Variants in CD226 observed in about 807,000 individuals in gnomAD.
CD226 encodes the protein CD226 antigen.
Under a neutral mutation model 34.9 loss-of-function variants are expected in CD226, and 24 were observed. The observed-to-expected ratio is 0.69, with a 90% CI of 0.50 to 0.97. The LOEUF (loss-of-function observed/expected upper bound fraction) is 0.97. CD226 is among the 50% of genes least tolerant of loss of function. CD226 has a pLI of 0.00. For synonymous variants in CD226, 148 were observed against 147.4 expected (o/e 1.00, Z -0.03); for missense variants, 397 against 412.7 (o/e 0.96, Z 0.33).
rs1443358017 is a variant in CD226 at position 69,856,485 on chromosome 18, C to T, written c.*7829G>A. 2 of 152,128 alleles carry T rather than the reference C, an allele frequency of 1.3e-5. No homozygotes were observed. The highest frequency in any genetic ancestry group is 6.5e-5 in the Admixed American group (1 of 15,268). 9.4% of individuals were successfully genotyped at this position (152,128 alleles called of 1,614,324 possible). ...TCTAATGGACATTTGTAGAATATTA[C>T]ACTCAACAGCAGAATGAACATTCTT... On this transcript the variant is annotated 3_prime_UTR_variant, in exon 6 of 6. Coordinates refer to ENST00000582621, the MANE Select transcript of CD226 (RefSeq NM_001303618.2).
intron 3 of CD226, among the ~76,000 whole-genome samples, chr18:69,880,345 AAAGAAAGAAAGAAAGG>A (rs1257884545): frequency 2.9e-4 from 20 of 68,920 alleles, no homozygotes; most frequent in East Asian, 1.8e-3. Flanking sequence ...AGAAAGAAAG[AAAGAAAGAAAGAAAGG>A]AAGGAAGGAA....
At chr18:69,957,953 C>T (rs1042729976), upstream of CD226, among the ~76,000 whole-genome samples, 4 of 152,230 alleles carry the variant, frequency 2.6e-5, no homozygotes, top group African/African-American at 9.6e-5. Context: ...CTGCTCACTC[C>T]TAGCCTTTAT....
chr18:69,928,539 G>A (rs1471222461), intron 2 of CD226, among the ~76,000 whole-genome samples: 2 of 152,130 alleles, frequency 1.3e-5, no homozygotes, highest in African/African-American at 2.4e-5. Context: ...TTTAGGGGTG[G>A]GACAATGTTT....
At chr18:69,951,445 T>C (rs1451711768), upstream of CD226, among the ~76,000 whole-genome samples, 3 of 152,134 alleles carry the variant, frequency 2.0e-5, no homozygotes, top group Admixed American at 1.3e-4. Context: ...TCATTATGCA[T>C]GAACAAGAAT....
chr18:69,865,394 T>C (rs1243802503), intron 5 of CD226, among the ~76,000 whole-genome samples: 1 of 151,462 alleles, frequency 6.6e-6, no homozygotes. Flanking sequence ...CTAATGTCTT[T>C]TTTTGACAGT....
At chr18:69,946,460 G>C (rs1000048186) in intron 2 of CD226, among the ~76,000 whole-genome samples, 1 of 151,968 alleles carries the variant, frequency 6.6e-6, no homozygotes, top group Admixed American at 6.6e-5. Context: ...TCAAGGCTCA[G>C]GTTATCATTA....
upstream of CD226, among the ~76,000 whole-genome samples, chr18:69,958,823 ACACACATC>A (rs1236758559): frequency 1.4e-4 from 21 of 146,454 alleles, no homozygotes; most frequent in Non-Finnish European, 1.5e-5. Flanking sequence ...ACACACACAC[ACACACATC>A]CTTCTCCTTA....
chr18:69,907,455 A>G (rs10439010), intron 2 of CD226, among the ~76,000 whole-genome samples: 138,976 of 152,184 alleles, frequency 0.91, 64,517 homozygotes, highest in East Asian at 1. Flanking sequence ...TTACAGGCAC[A>G]CACCACCATG....
intron 3 of CD226, among the ~76,000 whole-genome samples, chr18:69,873,779 G>A (rs1034102124): frequency 2.6e-5 from 4 of 152,154 alleles, no homozygotes; most frequent in East Asian, 1.9e-4. Flanking sequence ...GCTGAGGCAC[G>A]AGACTCATTT....
rs149754078 is a variant in CD226, at chr18:69,898,866, C to T, written c.383-2821G>A. Among the ~76,000 whole-genome samples the T allele has an allele frequency of 1.6e-4, 24 of 152,202 alleles. No individual in the cohort carries two copies. The East Asian group carries it at 4.3e-3, about 27-fold the overall frequency. ...AAAGAGCCCACACAAACAAGAGAAC[C>T]GTGGGATCCTGATGAACTTGGAATT... On this transcript the variant is annotated intron_variant, in intron 2 of 5. Transcript: ENST00000582621.
At chr18:69,950,139 C>T (rs117678022), upstream of CD226, among the ~76,000 whole-genome samples, 3,241 of 148,426 alleles carry the variant, frequency 0.022, 65 homozygotes, top group Admixed American at 0.053. Context: ...CAATCTCACA[C>T]AATCACATGC....
upstream of CD226, among the ~76,000 whole-genome samples, chr18:69,960,672 A>T (rs1479431264): frequency 6.6e-6 from 1 of 152,192 alleles, no homozygotes; most frequent in Non-Finnish European, 1.5e-5. Flanking sequence ...CTCGTCTTGA[A>T]TTCCTGACCT....
At position 69,903,804 on chromosome 18, in the gene CD226, G is replaced by A. The variant is rs1379683785; in HGVS notation, c.383-7759C>T. ...ACCCCCAGAGGGAACCAACCCTGCT[G>A]ATACCTTCACTTTGGACTTCAAACT... is the stretch of plus-strand genomic sequence containing the variant. On this transcript the variant is annotated intron_variant, in intron 2 of 5. Transcript: ENST00000582621. Among the ~76,000 whole-genome samples, 3 of 152,136 alleles carry A rather than the reference G, an allele frequency of 2.0e-5. No individual in the cohort carries two copies. In the East Asian group the frequency reaches 5.8e-4, roughly 29 times the overall value.
rs1465469836 is a variant in CD226 at position 69,855,482 on chromosome 18, C to T, written c.*8832G>A. On this transcript the variant is annotated 3_prime_UTR_variant, in exon 6 of 6. Coordinates refer to ENST00000582621, the MANE Select transcript of CD226 (RefSeq NM_001303618.2). ...CTAAAATTCAAAGAGTGGGAAAAACCCAGAATATTCAAGACTATGGAATAA... is the reference window on the plus strand; with the variant it reads ...CTAAAATTCAAAGAGTGGGAAAAACTCAGAATATTCAAGACTATGGAATAA... 1.3e-5 allele frequency: 2 copies of T among 151,946 alleles called. No individual in the cohort carries two copies. Among genetic ancestry groups the T allele is most frequent in the African/African-American group, 2.4e-5 (1 of 41,472 alleles). 9.4% of individuals were successfully genotyped at this position (151,946 alleles called of 1,614,324 possible). A position where few individuals can be genotyped will look rare whatever the true frequency, so the allele number is the denominator to read the frequency against.
chr18:69,947,077 A>G lies in CD226; in HGVS notation c.47-8T>C. 1 of 1,600,396 alleles carries G rather than the reference A, an allele frequency of 6.2e-7. No individual in the cohort carries two copies. The highest frequency in any genetic ancestry group is 8.6e-7 in the Non-Finnish European group (1 of 1,168,628). On this transcript the variant is annotated splice_polypyrimidine_tract_variant and splice_region_variant and intron_variant, in intron 1 of 5. Coordinates refer to ENST00000582621, the MANE Select transcript of CD226 (RefSeq NM_001303618.2). The stretch of plus-strand genomic sequence containing the variant: ...GCACCTCTTCACATAGAGCTGAAAT[A>G]TACAACATCACATTAATTGTTAGCC...
chr18:69,864,608 T>C (rs986006475), intron 5 of CD226, among the ~76,000 whole-genome samples, 169 bp from the exon 6 acceptor site: 4 of 152,248 alleles, frequency 2.6e-5, no homozygotes, highest in African/African-American at 9.6e-5. Context: ...GGAAATCATA[T>C]TCTTGACTGA....
At chr18:69,874,773 T>C (rs1471967787) in intron 3 of CD226, among the ~76,000 whole-genome samples, 1 of 152,224 alleles carries the variant, frequency 6.6e-6, no homozygotes, top group Non-Finnish European at 1.5e-5. Flanking sequence ...TAAGCAAACA[T>C]TTTATTTTTA....
chr18:69,907,194 T>C (rs114325456), intron 2 of CD226, among the ~76,000 whole-genome samples: 3,329 of 152,288 alleles, frequency 0.022, 118 homozygotes, highest in African/African-American at 0.075. Flanking sequence ...TTTATCCTCT[T>C]CTCAGGGACT....
At chr18:69,880,208 AGG>A (rs1984135502) in intron 3 of CD226, among the ~76,000 whole-genome samples, 2 of 46,304 alleles carry the variant, frequency 4.3e-5, no homozygotes, top group Admixed American at 3.8e-4. Context: ...GGAGGAAGGC[AGG>A]CAGGCAGGCA....
Sources: allele counts gnomAD v4.1 joint callset (sites outside exome capture counted in the v4.1 genomes callset), GRCh38; gene constraint gnomAD v4.1.1; transcripts MANE v1.5; gene names NCBI Gene and HGNC (gene_info 2026-07-23, HGNC 2026-07-21).